Variants in PRR5L observed in about 807,000 individuals in gnomAD.
PRR5L encodes the protein proline rich 5 like.
A neutral mutation model predicts 36.4 loss-of-function variants in PRR5L; 21 were observed. That is an observed-to-expected ratio of 0.58 (90% CI 0.41 to 0.83). PRR5L has a LOEUF of 0.83. PRR5L is among the 40% of genes least tolerant of loss of function. The probability of loss-of-function intolerance (pLI) is 0.00; values close to 1 mark genes in which losing one functional copy is unlikely to be tolerated. For synonymous variants in PRR5L, 188 were observed against 197.0 expected (o/e 0.95, Z 0.38); for missense variants, 381 against 473.3 (o/e 0.80, Z 1.81).
chr11:36,296,938 C>T (rs1292965152), intron 1 of PRR5L, among the ~76,000 whole-genome samples: 1 of 152,102 alleles, frequency 6.6e-6, no homozygotes, highest in African/African-American at 2.4e-5. Flanking sequence ...CAACATCCTG[C>T]TAATAAACCA....
At chr11:36,439,992 T>C (rs1377401248) in intron 6 of PRR5L, among the ~76,000 whole-genome samples, 1 of 152,174 alleles carries the variant, frequency 6.6e-6, no homozygotes, top group Non-Finnish European at 1.5e-5. Context: ...CCTTCTCTGA[T>C]TCATTGTGGG....
chr11:36,431,304 C>T (rs995741047), intron 4 of PRR5L, among the ~76,000 whole-genome samples: 1 of 152,180 alleles, frequency 6.6e-6, no homozygotes, highest in Non-Finnish European at 1.5e-5. Flanking sequence ...AGACAGGACG[C>T]TCAACAATTG....
At position 36,393,864 on chromosome 11, in the gene PRR5L, A is replaced by G. The variant is rs549748050; in HGVS notation, c.-125-7133A>G. 2.0e-5 allele frequency: 3 copies of G among 152,340 alleles called. No homozygotes were observed. In the South Asian group the frequency reaches 6.2e-4, roughly 32 times the overall value. 9.4% of individuals were successfully genotyped at this position (152,340 alleles called of 1,614,324 possible). On this transcript the variant is annotated intron_variant, in intron 1 of 8. Transcript: ENST00000530639. Reference sequence around the variant, plus strand: ...GTCCTAGAAGAGGCAATTCGGACATAAAGAGAAACATCAAGGGCATGAGTG... The same window carrying G: ...GTCCTAGAAGAGGCAATTCGGACATGAAGAGAAACATCAAGGGCATGAGTG...
chr11:36,402,445 G>A (rs1857816997), intron 2 of PRR5L, among the ~76,000 whole-genome samples: 1 of 152,154 alleles, frequency 6.6e-6, no homozygotes, highest in African/African-American at 2.4e-5. Flanking sequence ...ATTTCACCAT[G>A]TTGGCCAGAC....
At chr11:36,452,010 C>CTGTAA (rs1554932490) in intron 8 of PRR5L, among the ~76,000 whole-genome samples, 7 of 151,456 alleles carry the variant, frequency 4.6e-5, no homozygotes, top group African/African-American at 1.7e-4. Context: ...ACAAATATCT[C>CTGTAA]TATAATACAA....
At chr11:36,327,371 C>G (rs2133469007) in intron 1 of PRR5L, among the ~76,000 whole-genome samples, 1 of 152,290 alleles carries the variant, frequency 6.6e-6, no homozygotes, top group East Asian at 1.9e-4. Flanking sequence ...AACATTCAAA[C>G]AGAGATCCTA....
chr11:36,345,578 G>A, intron 1 of PRR5L, among the ~76,000 whole-genome samples: 1 of 152,180 alleles, frequency 6.6e-6, no homozygotes, highest in Non-Finnish European at 1.5e-5. Context: ...ATCCCCAAAA[G>A]ATTAGAAACA....
At chr11:36,372,436 T>C (rs1321459750) in intron 1 of PRR5L, among the ~76,000 whole-genome samples, 1 of 152,234 alleles carries the variant, frequency 6.6e-6, no homozygotes, top group African/African-American at 2.4e-5. Flanking sequence ...AGTTGTCTTC[T>C]ACTGCTTCCT....
At chr11:36,301,175 C>CGGGGTCAAGGGAGGGCA (rs1285727487) in intron 1 of PRR5L, 1 of 152,440 alleles carries the variant, frequency 6.6e-6, no homozygotes, top group Non-Finnish European at 1.5e-5. Flanking sequence ...AAGCACAGGC[C>CGGGGTCAAGGGAGGGCA]GGGGTCAAGG....
chr11:36,318,129 A>G (rs1002120743), intron 1 of PRR5L, among the ~76,000 whole-genome samples: 2 of 152,206 alleles, frequency 1.3e-5, no homozygotes, highest in Non-Finnish European at 2.9e-5. Context: ...AATACGCTGT[A>G]CACGTTTGTA....
chr11:36,340,485 G>T (rs1590457662), intron 1 of PRR5L, among the ~76,000 whole-genome samples: 1 of 152,164 alleles, frequency 6.6e-6, no homozygotes, highest in Non-Finnish European at 1.5e-5. Context: ...GACACTGTTC[G>T]AAGTGCTTTA....
At chr11:36,445,726 G>C (rs1292982043) in intron 6 of PRR5L, among the ~76,000 whole-genome samples, 1 of 152,176 alleles carries the variant, frequency 6.6e-6, no homozygotes, top group Non-Finnish European at 1.5e-5. Flanking sequence ...GTAGAATCAT[G>C]CCTAGCACAT....
chr11:36,297,099 G>A (rs1010781219), intron 1 of PRR5L, among the ~76,000 whole-genome samples: 7 of 152,158 alleles, frequency 4.6e-5, no homozygotes, highest in African/African-American at 1.2e-4. Context: ...TTATGGATGA[G>A]GAAATTGAAG....
intron 4 of PRR5L, among the ~76,000 whole-genome samples, chr11:36,429,274 TA>T (rs1383707979): frequency 1.3e-5 from 2 of 152,164 alleles, no homozygotes; most frequent in Non-Finnish European, 2.9e-5. Context: ...TTCTTAAAAA[TA>T]AAAAATCTTT....
intron 1 of PRR5L, among the ~76,000 whole-genome samples, chr11:36,365,679 C>T (rs1395452509): frequency 6.6e-6 from 1 of 152,098 alleles, no homozygotes; most frequent in East Asian, 1.9e-4. Flanking sequence ...GAGAAATGCC[C>T]ATCTAGGATA....
At chr11:36,436,757 G>A (rs11033619) in intron 5 of PRR5L, among the ~76,000 whole-genome samples, 39,971 of 152,036 alleles carry the variant, frequency 0.26, 5,404 homozygotes, top group East Asian at 0.42. Flanking sequence ...CTCTGCCTTC[G>A]AGCTGTGTGA....
chr11:36,422,012 T>C (rs1858274911), intron 4 of PRR5L, among the ~76,000 whole-genome samples: 1 of 152,242 alleles, frequency 6.6e-6, no homozygotes, highest in South Asian at 2.1e-4. Flanking sequence ...GTTGCTGTGG[T>C]TTCTGTTTTA....
intron 1 of PRR5L, chr11:36,321,577 T>C (rs1005129966): frequency 1.3e-5 from 2 of 152,256 alleles, no homozygotes; most frequent in African/African-American, 2.4e-5. Flanking sequence ...CCATACAGCA[T>C]GCCTGAGAAT....
intron 1 of PRR5L, among the ~76,000 whole-genome samples, chr11:36,348,093 G>T (rs1736751790): frequency 1.3e-5 from 2 of 152,116 alleles, no homozygotes; most frequent in Non-Finnish European, 2.9e-5. Flanking sequence ...TTTGTTGTTG[G>T]CTTGGTTCTT....
Sources: gnomAD v4.1 joint callset for allele counts (sites outside exome capture counted in the v4.1 genomes callset) on GRCh38, gnomAD v4.1.1 for gene constraint, MANE v1.5 for transcripts, NCBI Gene and HGNC (gene_info 2026-07-23, HGNC 2026-07-21) for gene names.